Variants in ZER1 observed in about 807,000 individuals in gnomAD.
ZER1 encodes protein zer-1 homolog.
A neutral mutation model predicts 78.8 loss-of-function variants in ZER1; 11 were observed. The ratio of observed to expected loss-of-function variants is 0.14; its 90% CI spans 0.09 to 0.23. The LOEUF is 0.23. ZER1 is among the 10% of genes least tolerant of loss of function. ZER1 has a pLI of 1.00. For missense variants in ZER1, 588 were observed against 996.9 expected (o/e 0.59, Z 5.52); for synonymous variants, 400 against 407.0 (o/e 0.98, Z 0.21).
rs528395237 is a variant in ZER1 at position 128,741,851 on chromosome 9, G to A, written c.1576-10C>T. 6.2e-7 allele frequency: 1 copy of A among 1,614,218 alleles called. No homozygotes were observed. Among genetic ancestry groups the A allele is most frequent in the South Asian group, 1.1e-5 (1 of 91,078 alleles). ...TCAGCTTCAGCATGGTCTGCAGGCA[G>A]GGACAAGAGTCTGCTAGAGTGCTGG... On this transcript the variant is annotated splice_polypyrimidine_tract_variant and intron_variant, in intron 9 of 15. Transcript: ENST00000291900.
chr9:128,768,011 T>TCA (rs1417810389), intron 1 of ZER1, among the ~76,000 whole-genome samples: 9 of 152,200 alleles, frequency 5.9e-5, no homozygotes, highest in Non-Finnish European at 1.0e-4. Context: ...CACGCTGTGT[T>TCA]GCGCGTGTTG....
intron 8 of ZER1, among the ~76,000 whole-genome samples, chr9:128,743,659 AT>A (rs1863382700): frequency 6.6e-6 from 1 of 151,924 alleles, no homozygotes; most frequent in African/African-American, 2.4e-5. Flanking sequence ...GGTTCAAGAG[AT>A]CCTCCTACCT....
rs543597414 is a variant in ZER1 at position 128,735,897 on chromosome 9, C to T, written c.2043-466G>A. On this transcript the variant is annotated intron_variant, in intron 13 of 15. Transcript: ENST00000291900. ...GGTTCAAGCGATTCTCCTGCCTCAG[C>T]CTCCTGAGTAACTGAGACTACAGGG... Among the ~76,000 whole-genome samples, 3 of 151,112 alleles carry T rather than the reference C, an allele frequency of 2.0e-5. No homozygotes were observed. In the East Asian group the frequency reaches 5.9e-4, roughly 30 times the overall value.
In ZER1 at chr9:128,752,858, T is replaced by C; in HGVS notation, c.747-9A>G. The stretch of plus-strand genomic sequence containing the variant: ...GGGAGATGTCCAGGTGTCTGAAGAT[T>C]GGGGTAGGGGGTGCAGGTTAGGAGC... On this transcript the variant is annotated splice_polypyrimidine_tract_variant and intron_variant, in intron 4 of 15. Coordinates refer to ENST00000291900, the MANE Select transcript of ZER1 (RefSeq NM_006336.4). The C allele has an allele frequency of 2.5e-6, 4 of 1,611,942 alleles. No homozygotes were observed. Among genetic ancestry groups the C allele is most frequent in the Non-Finnish European group, 3.4e-6 (4 of 1,178,796 alleles).
chr9:128,770,082 T>C lies in ZER1; in HGVS notation c.-95+1499A>G, dbSNP rs116831338. Among the ~76,000 whole-genome samples, 248 of 152,218 alleles carry C rather than the reference T, an allele frequency of 1.6e-3. 1 individual carries two copies. Among genetic ancestry groups the C allele is most frequent in the African/African-American group, 5.6e-3 (231 of 41,552 alleles). On this transcript the variant is annotated intron_variant, in intron 1 of 15. Coordinates refer to ENST00000291900, the MANE Select transcript of ZER1 (RefSeq NM_006336.4). ...TCTCTGACTTTCTTGCCAACCACTC[T>C]TCCCTTTCTTCAACCTGCTCCAGTC...
chr9:128,758,142 T>C (rs1046918479), intron 1 of ZER1, among the ~76,000 whole-genome samples: 12 of 149,244 alleles, frequency 8.0e-5, no homozygotes, highest in Non-Finnish European at 1.6e-4. Flanking sequence ...TTTTTTGAGA[T>C]AGAGTCTTGC....
At chr9:128,731,536 G>C in intron 15 of ZER1, 142 bp from the exon 16 acceptor site, 1 of 659,284 alleles carries the variant, frequency 1.5e-6, no homozygotes, top group East Asian at 3.0e-5. Context: ...AGAGGGGCTG[G>C]CAGAGTGGCT....
At chr9:128,743,608 T>C (rs1863380691) in intron 8 of ZER1, among the ~76,000 whole-genome samples, 1 of 151,980 alleles carries the variant, frequency 6.6e-6, no homozygotes, top group Admixed American at 6.6e-5. Flanking sequence ...TTTGTAGAGA[T>C]GGGGTCTCAC....
rs555623915 is a variant in ZER1, at chr9:128,761,977, C to T, written c.-94-6318G>A. Reference sequence around the variant, plus strand: ...TGTAAACTAGACTGGAACCTGGTCTCGTGGAATCCCTCACATCTCTTAGAG... The same window carrying T: ...TGTAAACTAGACTGGAACCTGGTCTTGTGGAATCCCTCACATCTCTTAGAG... On this transcript the variant is annotated intron_variant, in intron 1 of 15. Transcript: ENST00000291900. Among the ~76,000 whole-genome samples the T allele has an allele frequency of 2.7e-4, 41 of 152,184 alleles. 1 individual carries two copies. The South Asian group carries it at 8.5e-3, about 32-fold the overall frequency.
Position 128,732,068 on chromosome 9 carries a change from C to A in ZER1, c.2244-674G>T, listed in dbSNP as rs994011663. 1.3e-5 allele frequency among the ~76,000 whole-genome samples: 2 copies of A among 152,218 alleles called. No individual in the cohort carries two copies. Among genetic ancestry groups the A allele is most frequent in the Admixed American group, 6.6e-5 (1 of 15,266 alleles). ...GCCTCTGTGTGTTAAAGGGATGCCC[C>A]AATACCTTTTAGGAAACAAATACCC... On this transcript the variant is annotated intron_variant, in intron 15 of 15. Transcript: ENST00000291900. The surrounding 1 kb of genome is among the most constrained non-coding windows in gnomAD (Gnocchi z 4.8).
rs537451485 is a variant in ZER1, at chr9:128,729,984, C to G, written c.*1353G>C. The stretch of plus-strand genomic sequence containing the variant: ...CAGGGCTGCGCCCACTTCCCAGGGC[C>G]GGGAGGGAGAGGCTCCAGGAGAAAA... On this transcript the variant is annotated 3_prime_UTR_variant, in exon 16 of 16. Transcript: ENST00000291900. The G allele has an allele frequency of 6.6e-6, 1 of 152,366 alleles. No homozygotes were observed. The highest frequency in any genetic ancestry group is 1.9e-4 in the East Asian group (1 of 5,186). The allele number at this position is 152,366 out of a possible 1,614,324, so 9.4% of individuals were successfully genotyped here. A position where few individuals can be genotyped will look rare whatever the true frequency, so the allele number is the denominator to read the frequency against.
chr9:128,741,958 G>T, intron 9 of ZER1, 117 bp from the exon 10 acceptor site: 1 of 1,327,860 alleles, frequency 7.5e-7, no homozygotes, highest in Non-Finnish European at 1.1e-6. Flanking sequence ...GTCTTGACGA[G>T]ATCAAGTCTC....
chr9:128,750,747 T>C lies in ZER1; in HGVS notation c.1228A>G (p.Ile410Val), dbSNP rs772788503. Residue 410 changes from isoleucine (I) to valine (V), a missense_variant, in exon 8 of 16, where the codon ATT (isoleucine) becomes GTT (valine). Ile to Val is a conservative substitution (Grantham distance 29, BLOSUM62 3). Transcript: ENST00000291900. Reference protein sequence around the residue: ...ALKCHKYDRNIQVTGSAALFY... With the variant: ...ALKCHKYDRNVQVTGSAALFY... ...AGAGCGGCGCTGCCTGTCACTTGAATGTTCCTGTCATATTTGTGGCACTTG... is the reference window on the plus strand; with the variant it reads ...AGAGCGGCGCTGCCTGTCACTTGAACGTTCCTGTCATATTTGTGGCACTTG... The C allele has an allele frequency of 1.2e-6, 2 of 1,614,206 alleles. No homozygotes were observed. Among genetic ancestry groups the C allele is most frequent in the Admixed American group, 1.7e-5 (1 of 60,020 alleles).
chr9:128,750,586 C>T (rs1239046781), intron 8 of ZER1, 30 bp downstream of exon 8: 1 of 1,607,370 alleles, frequency 6.2e-7, no homozygotes, highest in Non-Finnish European at 8.5e-7. Context: ...TGGGCCAGAG[C>T]ATGCGGGGCC....
chr9:128,746,449 CTT>C (rs1268379188), intron 8 of ZER1, among the ~76,000 whole-genome samples: 9 of 146,514 alleles, frequency 6.1e-5, no homozygotes, highest in Non-Finnish European at 1.4e-4. Flanking sequence ...CTTTTTCTCT[CTT>C]CTTTTCCTTT....
rs34939675 is a variant in ZER1 at position 128,761,157 on chromosome 9, C to CA, written c.-94-5499dup. On this transcript the variant is annotated intron_variant, in intron 1 of 15. Transcript: ENST00000291900. ...TGGGCGACAGAGCCAGACTCTGTCT[C>CA]AAAAAAAAAAAAAAAGGGAGGGGGG... Among the ~76,000 whole-genome samples the CA allele has an allele frequency of 2.6e-3, 163 of 61,790 alleles. 1 individual carries two copies. The highest frequency in any genetic ancestry group is 0.01 in the Admixed American group (55 of 5,442). The allele number at this position is 61,790 out of a possible 152,430, so 40.5% of individuals were successfully genotyped here.
intron 10 of ZER1, 56 bp downstream of exon 10, chr9:128,741,744 C>T (rs1254921886): frequency 1.9e-6 from 3 of 1,614,010 alleles, no homozygotes; most frequent in Non-Finnish European, 2.5e-6. Flanking sequence ...AGGGGCAGCC[C>T]AGGCCCCTTG....
chr9:128,745,357 A>C (rs1034242066), intron 8 of ZER1, among the ~76,000 whole-genome samples: 6 of 151,484 alleles, frequency 4.0e-5, no homozygotes, highest in African/African-American at 1.5e-4. Flanking sequence ...TGGCCAATTA[A>C]AAAAAAATTT....
rs1221613090 is a variant in ZER1 at position 128,731,164 on chromosome 9, A to AAT, written c.*171_*172dup. On this transcript the variant is annotated 3_prime_UTR_variant, in exon 16 of 16. Coordinates refer to ENST00000291900, the MANE Select transcript of ZER1 (RefSeq NM_006336.4). Reference sequence around the variant, plus strand: ...AACCAAAAAAAAAATATATATATATAATATATATATATCTCACTAACATTA... The same window carrying AAT: ...AACCAAAAAAAAAATATATATATATAATATATATATATATCTCACTAACATTA... 1.2e-4 allele frequency: 29 copies of AAT among 250,064 alleles called. No individual in the cohort carries two copies. Among genetic ancestry groups the AAT allele is most frequent in the South Asian group, 3.2e-4 (2 of 6,170 alleles). 15.5% of individuals were successfully genotyped at this position (250,064 alleles called of 1,614,324 possible).
Sources: allele counts gnomAD v4.1 joint callset (sites outside exome capture counted in the v4.1 genomes callset), GRCh38; gene constraint gnomAD v4.1.1; non-coding constraint Gnocchi (gnomAD v3.1); transcripts MANE v1.5; gene names NCBI Gene and HGNC (gene_info 2026-07-23, HGNC 2026-07-21).